The following ARB2A variants were observed in gnomAD, a reference collection of about 807,000 sequenced individuals.
ARB2A encodes the protein ARB2 cotranscriptional regulator A, also known as cotranscriptional regulator ARB2A.
chr5:93,855,935 C>CT, the ARB2A span, among the ~76,000 whole-genome samples: 1 of 151,828 alleles, frequency 6.6e-6, no homozygotes. Context: ...AACGCAGTTC[C>CT]TCACCAGTAA....
the ARB2A span, among the ~76,000 whole-genome samples, chr5:93,865,182 C>T: frequency 1.3e-5 from 2 of 152,090 alleles, no homozygotes; most frequent in Non-Finnish European, 2.9e-5. Context: ...CCCGGGTTCT[C>T]GCCATTCTCC....
the ARB2A span, among the ~76,000 whole-genome samples, chr5:93,969,032 T>TC: frequency 6.7e-6 from 1 of 150,140 alleles, no homozygotes; most frequent in Admixed American, 6.6e-5. Context: ...TTTTTTTTTT[T>TC]TTTTTGCCAG....
the ARB2A span, among the ~76,000 whole-genome samples, chr5:93,751,612 T>G: frequency 6.6e-6 from 1 of 152,154 alleles, no homozygotes; most frequent in African/African-American, 2.4e-5. Flanking sequence ...TCTGAACATC[T>G]TGAGATTTTA....
At chr5:94,069,039 A>AAGATAGCT in the ARB2A span, among the ~76,000 whole-genome samples, 6 of 140,296 alleles carry the variant, frequency 4.3e-5, no homozygotes, top group Non-Finnish European at 9.2e-5. Context: ...CTGTCTTAAA[A>AAGATAGCT]AGATAGATAG....
At chr5:93,656,820 T>TG in the ARB2A span, among the ~76,000 whole-genome samples, 4,290 of 152,220 alleles carry the variant, frequency 0.028, 174 homozygotes, top group African/African-American at 0.097. Context: ...TGTTTTTTTT[T>TG]TAAACTTAGT....
chr5:93,741,209 T>C, the ARB2A span: 10 of 1,613,908 alleles, frequency 6.2e-6, no homozygotes, highest in African/African-American at 1.2e-4. Context: ...ATGCCCGAGA[T>C]GTCCTCTGGC....
the ARB2A span, chr5:93,881,624 A>G: frequency 6.2e-7 from 1 of 1,605,012 alleles, no homozygotes. Flanking sequence ...CTGTACGTGT[A>G]TCTTCGGCTT....
chr5:94,066,162 G>A, the ARB2A span, among the ~76,000 whole-genome samples: 74 of 151,934 alleles, frequency 4.9e-4, no homozygotes, highest in African/African-American at 1.7e-3. Context: ...AACCAAACAC[G>A]ACATACCAAA....
At chr5:93,970,082 T>C in the ARB2A span, among the ~76,000 whole-genome samples, 1 of 152,164 alleles carries the variant, frequency 6.6e-6, no homozygotes, top group Non-Finnish European at 1.5e-5. Context: ...TTCTCAATAG[T>C]AACAAGCTAA....
At chr5:93,832,542 A>G in the ARB2A span, among the ~76,000 whole-genome samples, 1 of 152,162 alleles carries the variant, frequency 6.6e-6, no homozygotes, top group African/African-American at 2.4e-5. Flanking sequence ...TAAGTCATTC[A>G]TTTCCTTAGC....
At chr5:94,078,158 G>A in the ARB2A span, among the ~76,000 whole-genome samples, 2 of 152,136 alleles carry the variant, frequency 1.3e-5, no homozygotes, top group Non-Finnish European at 2.9e-5. Context: ...ACGTGATTTT[G>A]CAACAGAAGC....
At chr5:93,939,421 T>C in the ARB2A span, among the ~76,000 whole-genome samples, 1 of 152,136 alleles carries the variant, frequency 6.6e-6, no homozygotes, top group Non-Finnish European at 1.5e-5. Flanking sequence ...CCTTTATTTC[T>C]AAACTAAGTT....
At chr5:94,021,541 G>T in the ARB2A span, among the ~76,000 whole-genome samples, 40 of 152,216 alleles carry the variant, frequency 2.6e-4, no homozygotes, top group Non-Finnish European at 4.6e-4. Flanking sequence ...TGCAGTAACA[G>T]AAGACATAGA....
chr5:93,734,002 A>G, the ARB2A span: 1 of 152,226 alleles, frequency 6.6e-6, no homozygotes, highest in Non-Finnish European at 1.5e-5. Context: ...GGTATAATAA[A>G]CAAGGATATA....
At chr5:93,747,239 T>C in the ARB2A span, among the ~76,000 whole-genome samples, 1 of 152,194 alleles carries the variant, frequency 6.6e-6, no homozygotes, top group Middle Eastern at 3.4e-3. Flanking sequence ...AGATAACTCT[T>C]TTAAGTGTTG....
chr5:93,901,830 T>C, the ARB2A span, among the ~76,000 whole-genome samples: 1 of 152,108 alleles, frequency 6.6e-6, no homozygotes, highest in East Asian at 1.9e-4. Flanking sequence ...ACATGCCTAA[T>C]AGTTCCCAAC....
the ARB2A span, among the ~76,000 whole-genome samples, chr5:93,772,799 C>T: frequency 2.6e-5 from 4 of 152,192 alleles, no homozygotes; most frequent in African/African-American, 9.6e-5. Flanking sequence ...GGCCTCTCCA[C>T]AGGGCAGCTT....
the ARB2A span, among the ~76,000 whole-genome samples, chr5:93,914,267 T>C: frequency 6.6e-6 from 1 of 151,992 alleles, no homozygotes; most frequent in Non-Finnish European, 1.5e-5. Flanking sequence ...ATGAAAATAA[T>C]GTTGTGAGGT....
At chr5:93,686,436 G>C in the ARB2A span, among the ~76,000 whole-genome samples, 1 of 152,104 alleles carries the variant, frequency 6.6e-6, no homozygotes, top group East Asian at 1.9e-4. Context: ...GCATTCTTTT[G>C]AAACAATAAA....
Sources: allele counts gnomAD v4.1 joint callset (sites outside exome capture counted in the v4.1 genomes callset), GRCh38; gene constraint gnomAD v4.1.1; transcripts MANE v1.5; gene names NCBI Gene and HGNC (gene_info 2026-07-23, HGNC 2026-07-21).